Variants in ELL2 observed in about 807,000 individuals in gnomAD.
The protein encoded by ELL2 is RNA polymerase II elongation factor ELL2.
In ELL2, 21 loss-of-function variants were observed where a neutral mutation model predicts 72.8. The ratio of observed to expected loss-of-function variants is 0.29; its 90% CI spans 0.20 to 0.42. The LOEUF (loss-of-function observed/expected upper bound fraction) is 0.42, where lower values mean the gene tolerates loss of function less well. Ranked by LOEUF, ELL2 falls within the 10% of genes least tolerant of loss-of-function variation. The probability of loss-of-function intolerance (pLI) is 1.00; values close to 1 mark genes in which losing one functional copy is unlikely to be tolerated. For synonymous variants in ELL2, 266 were observed against 283.2 expected (o/e 0.94, Z 0.61); for missense variants, 568 against 772.8 (o/e 0.73, Z 3.14).
chr5:95,939,252 C>T (rs1447277276), intron 2 of ELL2, among the ~76,000 whole-genome samples: 1 of 152,174 alleles, frequency 6.6e-6, no homozygotes, highest in Non-Finnish European at 1.5e-5. Flanking sequence ...CATAGAAGTT[C>T]TGAGTGGAGG....
chr5:95,922,986 C>A (rs940960927), intron 2 of ELL2, among the ~76,000 whole-genome samples: 1 of 152,128 alleles, frequency 6.6e-6, no homozygotes, highest in Non-Finnish European at 1.5e-5. Flanking sequence ...TGCCAAACAC[C>A]CTACACTGCA....
intron 9 of ELL2, among the ~76,000 whole-genome samples, chr5:95,893,188 T>C (rs572579554): frequency 3.3e-4 from 50 of 152,202 alleles, no homozygotes; most frequent in African/African-American, 1.2e-3. Flanking sequence ...GATTATTTGG[T>C]TACACTGGCA....
rs1580479705 is a variant in ELL2, at chr5:95,895,818, A to G, written c.1526-127T>C. ...CAAATTCTATTCTTCCATCTCAATAAGCAACAGTGAGCAAGGAATACAATT... is the reference window on the plus strand; with the variant it reads ...CAAATTCTATTCTTCCATCTCAATAGGCAACAGTGAGCAAGGAATACAATT... On this transcript the variant is annotated intron_variant, in intron 8 of 11. Transcript: ENST00000237853. 18 of 752,010 alleles carry G rather than the reference A, an allele frequency of 2.4e-5. No homozygotes were observed. The East Asian group carries it at 4.8e-4, about 20-fold the overall frequency. The allele number at this position is 752,010 out of a possible 1,614,324, so 46.6% of individuals were successfully genotyped here. A position where few individuals can be genotyped will look rare whatever the true frequency, so the allele number is the denominator to read the frequency against.
intron 3 of ELL2, among the ~76,000 whole-genome samples, chr5:95,916,727 G>C (rs1289863826): frequency 6.3e-5 from 9 of 142,646 alleles, no homozygotes; most frequent in Non-Finnish European, 1.3e-4. Context: ...AGACAGACTT[G>C]AGCATGTTTG....
chr5:95,948,197 G>A (rs1751238033), intron 1 of ELL2, among the ~76,000 whole-genome samples: 1 of 152,094 alleles, frequency 6.6e-6, no homozygotes, highest in African/African-American at 2.4e-5. Flanking sequence ...AGCACTTTGG[G>A]AGGCTGGGCG....
At chr5:95,905,199 C>T (rs547581410) in intron 5 of ELL2, among the ~76,000 whole-genome samples, 5 of 151,948 alleles carry the variant, frequency 3.3e-5, no homozygotes, top group East Asian at 1.9e-4. Flanking sequence ...TCTCATGCCT[C>T]GCTTGGGGGT....
At chr5:95,927,626 TACACACACACGTGTGTATATAGACATAC>T (rs1750401830) in intron 2 of ELL2, among the ~76,000 whole-genome samples, 2 of 28,134 alleles carry the variant, frequency 7.1e-5, no homozygotes, top group Non-Finnish European at 5.5e-5. Context: ...TATATAGACA[TACACACACACGTGTGTATATAGACATAC>T]ACACACACGT....
At chr5:95,936,915 G>A (rs913693487) in intron 2 of ELL2, among the ~76,000 whole-genome samples, 2 of 152,078 alleles carry the variant, frequency 1.3e-5, no homozygotes, top group African/African-American at 4.8e-5. Flanking sequence ...AAATTTTATC[G>A]ACAAACAGAT....
intron 1 of ELL2, among the ~76,000 whole-genome samples, chr5:95,949,101 A>G (rs1467500924): frequency 6.6e-6 from 1 of 152,226 alleles, no homozygotes; most frequent in Non-Finnish European, 1.5e-5. Flanking sequence ...TTGCTCTATG[A>G]CCAAAGAGAT....
intron 1 of ELL2, among the ~76,000 whole-genome samples, chr5:95,949,338 T>C (rs1446132875): frequency 6.6e-6 from 1 of 152,176 alleles, no homozygotes; most frequent in Non-Finnish European, 1.5e-5. Flanking sequence ...TATTTACATA[T>C]TGCTTACCCA....
At chr5:95,898,199 CATG>C in intron 8 of ELL2, 38 bp downstream of exon 8, 1 of 1,471,972 alleles carries the variant, frequency 6.8e-7, no homozygotes, top group Non-Finnish European at 9.2e-7. Context: ...ATTTCAAACT[CATG>C]ATAGCATGCA....
chr5:95,922,842 A>G (rs147028062), intron 2 of ELL2, among the ~76,000 whole-genome samples: 39 of 152,334 alleles, frequency 2.6e-4, no homozygotes, highest in African/African-American at 8.4e-4. Flanking sequence ...CATGCTATGT[A>G]CTCACCAAAG....
At chr5:95,952,607 T>C (rs1372501126) in intron 1 of ELL2, among the ~76,000 whole-genome samples, 1 of 152,186 alleles carries the variant, frequency 6.6e-6, no homozygotes, top group Non-Finnish European at 1.5e-5. Context: ...AAGATAGTTT[T>C]CTCCTTGCAA....
chr5:95,927,812 T>A (rs1044862044), intron 2 of ELL2, among the ~76,000 whole-genome samples: 1 of 117,126 alleles, frequency 8.5e-6, no homozygotes, highest in Non-Finnish European at 1.7e-5. Flanking sequence ...CACATATGTG[T>A]GTATATAGAC....
intron 9 of ELL2, among the ~76,000 whole-genome samples, chr5:95,891,727 C>G (rs1050733720): frequency 6.6e-6 from 1 of 152,166 alleles, no homozygotes; most frequent in Non-Finnish European, 1.5e-5. Context: ...TCTCTCTGGA[C>G]CTACTGCTTT....
At chr5:95,896,229 G>A (rs1748871011) in intron 8 of ELL2, among the ~76,000 whole-genome samples, 1 of 151,960 alleles carries the variant, frequency 6.6e-6, no homozygotes. Flanking sequence ...AGGTATTATT[G>A]AATGTCGATT....
intron 5 of ELL2, among the ~76,000 whole-genome samples, chr5:95,903,525 G>C (rs1328117729): frequency 6.6e-6 from 1 of 152,000 alleles, no homozygotes; most frequent in African/African-American, 2.4e-5. Flanking sequence ...CACGGCGCCT[G>C]GCCTAGGACC....
chr5:95,958,736 AT>A (rs1033725876), intron 1 of ELL2, among the ~76,000 whole-genome samples: 6 of 152,172 alleles, frequency 3.9e-5, no homozygotes, highest in Non-Finnish European at 1.5e-5. Context: ...ACTTGGCTCC[AT>A]GCTTTAAGGT....
intron 3 of ELL2, among the ~76,000 whole-genome samples, chr5:95,914,713 C>T (rs1433121321): frequency 1.3e-5 from 2 of 151,944 alleles, no homozygotes; most frequent in Non-Finnish European, 2.9e-5. Context: ...GGCATGGTGG[C>T]GTGTGCCTGA....
Sources: allele counts gnomAD v4.1 joint callset (sites outside exome capture counted in the v4.1 genomes callset), GRCh38; gene constraint gnomAD v4.1.1; transcripts MANE v1.5; gene names NCBI Gene and HGNC (gene_info 2026-07-23, HGNC 2026-07-21).